The following SCEL variants were observed in gnomAD, a reference collection of about 807,000 sequenced individuals.
SCEL encodes sciellin.
SCEL carries 113 observed loss-of-function variants against 117.6 expected under a neutral mutation model. The observed-to-expected ratio is 0.96, with a 90% CI of 0.83 to 1.12. SCEL has a LOEUF of 1.12. Among genes scored for constraint, SCEL ranks in the 50% most tolerant of loss-of-function variants. The pLI, the probability that SCEL is intolerant of heterozygous loss-of-function variation, is 0.00. For missense variants in SCEL, 785 were observed against 810.8 expected (o/e 0.97, Z 0.39); for synonymous variants, 270 against 256.2 (o/e 1.05, Z -0.51).
chr13:77,568,510 CTT>C (rs1328005182), intron 7 of SCEL, among the ~76,000 whole-genome samples, 177 bp downstream of exon 7: 1 of 32,658 alleles, frequency 3.1e-5, no homozygotes, highest in East Asian at 8.0e-4. Context: ...ACTATCTGGA[CTT>C]TTGCAGAAAA....
chr13:77,548,331 G>A (rs2084108712), intron 1 of SCEL, among the ~76,000 whole-genome samples: 1 of 152,196 alleles, frequency 6.6e-6, no homozygotes, highest in Non-Finnish European at 1.5e-5. Context: ...TTCTGCCTAT[G>A]CCACTGCTAA....
intron 1 of SCEL, among the ~76,000 whole-genome samples, chr13:77,554,472 G>A (rs912352077): frequency 6.6e-6 from 1 of 152,120 alleles, no homozygotes; most frequent in Admixed American, 6.5e-5. Flanking sequence ...AAAATAATAC[G>A]TTGACCCAAA....
chr13:77,631,564 C>G (rs1193856620), intron 28 of SCEL, among the ~76,000 whole-genome samples: 1 of 152,122 alleles, frequency 6.6e-6, no homozygotes, highest in Non-Finnish European at 1.5e-5. Context: ...TTAAGGGAAT[C>G]TGGGTGAAGG....
intron 28 of SCEL, among the ~76,000 whole-genome samples, chr13:77,630,881 A>G (rs1421433645): frequency 6.6e-6 from 1 of 152,206 alleles, no homozygotes; most frequent in Non-Finnish European, 1.5e-5. Context: ...CCATCAAGTG[A>G]CATATGCTAT....
At chr13:77,596,688 G>GGTGT (rs71102762) in intron 12 of SCEL, among the ~76,000 whole-genome samples, 29,844 of 145,228 alleles carry the variant, frequency 0.21, 3,269 homozygotes, top group Non-Finnish European at 0.26. Flanking sequence ...GGTGGGGCAA[G>GGTGT]GTGTGTGTGT....
intron 29 of SCEL, among the ~76,000 whole-genome samples, chr13:77,636,798 T>C (rs1317503463): frequency 6.6e-6 from 1 of 152,222 alleles, no homozygotes; most frequent in African/African-American, 2.4e-5. Context: ...TTTATCTACT[T>C]TACATTCTGT....
chr13:77,584,149 C>T (rs990209262), intron 9 of SCEL, among the ~76,000 whole-genome samples: 1 of 152,150 alleles, frequency 6.6e-6, no homozygotes, highest in East Asian at 1.9e-4. Flanking sequence ...AAGATCATTC[C>T]AATGAATGTC....
chr13:77,589,652 C>T (rs17067999), intron 10 of SCEL, among the ~76,000 whole-genome samples: 17,491 of 152,154 alleles, frequency 0.11, 1,109 homozygotes, highest in Non-Finnish European at 0.15. Context: ...TTCTGATGAA[C>T]GATGTTCTTG....
At chr13:77,605,211 T>A (rs1377916160) in intron 19 of SCEL, among the ~76,000 whole-genome samples, 3 of 149,056 alleles carry the variant, frequency 2.0e-5, no homozygotes, top group African/African-American at 7.5e-5. Flanking sequence ...GTTCATAATA[T>A]TATTTGTTGA....
chr13:77,634,252 T>A lies in SCEL; in HGVS notation c.1692-127T>A, dbSNP rs2090167255. ...TGTGTTAATACCACTCTAACATTCA[T>A]GTTTCAAAGTTATAGTTCAGAAGGA... On this transcript the variant is annotated intron_variant, in intron 28 of 32. Transcript: ENST00000349847. 7 of 816,712 alleles carry A rather than the reference T, an allele frequency of 8.6e-6. No homozygotes were observed. The South Asian group carries it at 1.2e-4, about 14-fold the overall frequency. The allele number at this position is 816,712 out of a possible 1,614,324, so 50.6% of individuals were successfully genotyped here.
intron 1 of SCEL, among the ~76,000 whole-genome samples, chr13:77,553,394 A>AG (rs2084458734): frequency 6.6e-6 from 1 of 152,196 alleles, no homozygotes; most frequent in Non-Finnish European, 1.5e-5. Context: ...TGAGAATTCC[A>AG]GTGCAATCAG....
In SCEL at chr13:77,568,109, T is replaced by C. The variant is rs191860721; in HGVS notation, c.360-186T>C. 3.9e-5 allele frequency among the ~76,000 whole-genome samples: 6 copies of C among 152,358 alleles called. No homozygotes were observed. In the East Asian group the frequency reaches 1.2e-3, roughly 29 times the overall value. ...TAAATTTTCAGAAGAAAAAAAATTC[T>C]TTGGAATCTAGTACAAGAGACAAAA... On this transcript the variant is annotated intron_variant, in intron 6 of 32. Transcript: ENST00000349847.
At chr13:77,575,530 A>T (rs1198259073) in intron 9 of SCEL, among the ~76,000 whole-genome samples, 2 of 152,230 alleles carry the variant, frequency 1.3e-5, no homozygotes, top group African/African-American at 2.4e-5. Flanking sequence ...TATGTATGAT[A>T]TACATTAGTT....
chr13:77,602,122 A>G lies in SCEL; in HGVS notation c.975A>G (p.Lys325=), dbSNP rs2087751075. Residue 325 remains lysine, a splice_region_variant and synonymous_variant, in exon 16 of 33, where the codon AAA becomes AAG. Coordinates refer to ENST00000349847, the MANE Select transcript of SCEL (RefSeq NM_144777.3). Reference sequence around the variant, plus strand: ...ATCAAAGGACTGACAAAAATGAGAAAGGGTAAGTCAATCTCCTACCTTGAT... The same window carrying G: ...ATCAAAGGACTGACAAAAATGAGAAGGGGTAAGTCAATCTCCTACCTTGAT... ...KVNQRTDKNE[K]GRQNLESVAK... The G allele has an allele frequency of 6.2e-7, 1 of 1,610,716 alleles. No homozygotes were observed. Among genetic ancestry groups the G allele is most frequent in the Non-Finnish European group, 8.5e-7 (1 of 1,178,510 alleles).
chr13:77,612,859 G>T, intron 22 of SCEL, 32 bp from the exon 23 acceptor site: 2 of 1,277,320 alleles, frequency 1.6e-6, no homozygotes, highest in South Asian at 2.7e-5. Context: ...GATTTTAGTT[G>T]ACTTAGCTAT....
chr13:77,612,456 CTTTTTTTTTTTTTTTT>C (rs71102764), intron 22 of SCEL, among the ~76,000 whole-genome samples: 3 of 93,602 alleles, frequency 3.2e-5, no homozygotes, highest in Non-Finnish European at 6.4e-5. Flanking sequence ...TTTTTCTTTT[CTTTTTTTTTTTTTTTT>C]TTTTTTTTTT....
chr13:77,602,509 G>A, intron 16 of SCEL, 145 bp from the exon 17 acceptor site: 1 of 676,894 alleles, frequency 1.5e-6, no homozygotes, highest in Non-Finnish European at 2.6e-6. Flanking sequence ...CTAAAGGTAA[G>A]TTAAGGATAA....
At position 77,609,082 on chromosome 13, in the gene SCEL, C is replaced by T. The variant is rs774625920; in HGVS notation, c.1242C>T (p.Ile414=). 4 of 1,595,640 alleles carry T rather than the reference C, an allele frequency of 2.5e-6. No individual in the cohort carries two copies. In the South Asian group the frequency reaches 4.6e-5, roughly 18 times the overall value. Residue 414 remains isoleucine (I), a synonymous_variant, in exon 21 of 33, where the codon ATC becomes ATT. Coordinates refer to ENST00000349847, the MANE Select transcript of SCEL (RefSeq NM_144777.3). ...GTTCCAAAGACCTTAATAACTTCATCAAAGTGTATCCAGGAACAGAAAAAA... is the reference window on the plus strand; with the variant it reads ...GTTCCAAAGACCTTAATAACTTCATTAAAGTGTATCCAGGAACAGAAAAAA... ...NQGSKDLNNF[I]KVYPGTEKST...
At position 77,567,663 on chromosome 13, in the gene SCEL, CTT is replaced by C; in HGVS notation, c.291-16_291-15del. The C allele has an allele frequency of 6.3e-7, 1 of 1,587,618 alleles. No individual in the cohort carries two copies. Among genetic ancestry groups the C allele is most frequent in the Non-Finnish European group, 8.6e-7 (1 of 1,159,864 alleles). On this transcript the variant is annotated splice_polypyrimidine_tract_variant and intron_variant, in intron 5 of 32. Coordinates refer to ENST00000349847, the MANE Select transcript of SCEL (RefSeq NM_144777.3). The stretch of plus-strand genomic sequence containing the variant: ...TTTAAATATTTATCCAGACTTTTGT[CTT>C]GTTTCTTTATAAAGGATCTCAGACA...
Sources: gnomAD v4.1 joint callset for allele counts (sites outside exome capture counted in the v4.1 genomes callset) on GRCh38, gnomAD v4.1.1 for gene constraint, MANE v1.5 for transcripts, NCBI Gene and HGNC (gene_info 2026-07-23, HGNC 2026-07-21) for gene names.